The following EPHA7 variants were observed in gnomAD, a reference collection of about 807,000 sequenced individuals.
EPHA7 encodes EPH receptor A7.
In EPHA7, 25 loss-of-function variants were observed where a neutral mutation model predicts 112.6. The ratio of observed to expected loss-of-function variants is 0.22; its 90% CI spans 0.16 to 0.31. The LOEUF (loss-of-function observed/expected upper bound fraction) is 0.31, where lower values mean the gene tolerates loss of function less well. Among genes scored for constraint, EPHA7 ranks in the 10% least tolerant of loss-of-function variants. The probability of loss-of-function intolerance (pLI) is 1.00; values close to 1 mark genes in which losing one functional copy is unlikely to be tolerated. For missense variants in EPHA7, 962 were observed against 1,212.6 expected, an observed-to-expected ratio of 0.79 and a Z score of 3.07; for synonymous variants, 437 against 406.5, an observed-to-expected ratio of 1.07 and a Z score of -0.90.
intron 5 of EPHA7, among the ~76,000 whole-genome samples, chr6:93,313,327 C>G (rs191631556): frequency 6.6e-6 from 1 of 151,838 alleles, no homozygotes; most frequent in South Asian, 2.1e-4. Flanking sequence ...GAAAATGATG[C>G]TATGTGGTAT....
intron 1 of EPHA7, among the ~76,000 whole-genome samples, chr6:93,418,762 C>G (rs533180295): frequency 6.6e-6 from 1 of 152,184 alleles, no homozygotes; most frequent in African/African-American, 2.4e-5. Flanking sequence ...CTCGGTCCCT[C>G]TGGGAAGGCT....
At chr6:93,258,043 T>C (rs1476080963) in intron 11 of EPHA7, 56 bp downstream of exon 11, 6 of 1,465,646 alleles carry the variant, frequency 4.1e-6, no homozygotes, top group Non-Finnish European at 5.7e-6. Context: ...TACATAATAA[T>C]ACTAATTTCT....
Position 93,262,755 on chromosome 6 carries a change from C to T in EPHA7, c.1798+1105G>A, listed in dbSNP as rs143779640. Among the ~76,000 whole-genome samples, 954 of 151,270 alleles carry T rather than the reference C, an allele frequency of 6.3e-3. 11 individuals carry two copies. The highest frequency in any genetic ancestry group is 0.021 in the African/African-American group (880 of 41,398). On this transcript the variant is annotated intron_variant, in intron 9 of 16. Coordinates refer to ENST00000369303, the MANE Select transcript of EPHA7 (RefSeq NM_004440.4). ...AACTGTTGGTTCAAAAATACAAACACATTGAGAAAATTTAGGAATGATAAG... is the reference window on the plus strand; with the variant it reads ...AACTGTTGGTTCAAAAATACAAACATATTGAGAAAATTTAGGAATGATAAG...
chr6:93,327,785 C>T (rs1774393882), intron 5 of EPHA7, among the ~76,000 whole-genome samples: 1 of 151,456 alleles, frequency 6.6e-6, no homozygotes, highest in Non-Finnish European at 1.5e-5. Flanking sequence ...ATTGCAATAG[C>T]CTCCTAAACT....
At chr6:93,340,934 T>C (rs1327423879) in intron 5 of EPHA7, among the ~76,000 whole-genome samples, 2 of 151,882 alleles carry the variant, frequency 1.3e-5, no homozygotes, top group Non-Finnish European at 2.9e-5. Context: ...AAGATACAGG[T>C]AGTAGTCTGT....
chr6:93,411,311 T>G, intron 2 of EPHA7, 141 bp from the exon 3 acceptor site: 1 of 669,676 alleles, frequency 1.5e-6, no homozygotes, highest in South Asian at 2.0e-5. Flanking sequence ...CCAGAGAATG[T>G]AAGATTCCAG....
At chr6:93,358,183 T>A in intron 4 of EPHA7, 73 bp downstream of exon 4, 2 of 1,142,940 alleles carry the variant, frequency 1.7e-6, no homozygotes, top group Non-Finnish European at 2.3e-6. Context: ...TCAATATCTA[T>A]TTCATTGATG....
chr6:93,249,665 A>C (rs1455878048), intron 14 of EPHA7, among the ~76,000 whole-genome samples: 2 of 152,100 alleles, frequency 1.3e-5, no homozygotes, highest in Non-Finnish European at 2.9e-5. Context: ...ACCACCTCCT[A>C]ACCTATTTCC....
chr6:93,405,783 ATGTGTGTGTGTGTGTG>A (rs371052750), intron 3 of EPHA7, among the ~76,000 whole-genome samples: 1 of 95,290 alleles, frequency 1.0e-5, no homozygotes, highest in Non-Finnish European at 2.0e-5. Context: ...TTCTGTATAT[ATGTGTGTGTGTGTGTG>A]TGTGTGTGTG....
At chr6:93,390,597 A>G (rs1223635598) in intron 3 of EPHA7, among the ~76,000 whole-genome samples, 2 of 151,536 alleles carry the variant, frequency 1.3e-5, no homozygotes, top group East Asian at 3.9e-4. Flanking sequence ...TTATACACAT[A>G]CAGGGCTGGG....
intron 5 of EPHA7, among the ~76,000 whole-genome samples, chr6:93,340,599 G>A (rs1284176091): frequency 1.3e-5 from 2 of 151,770 alleles, no homozygotes; most frequent in East Asian, 3.9e-4. Context: ...AAACACTTCT[G>A]GTCCCAAGCA....
At chr6:93,339,399 C>T (rs1007081807) in intron 5 of EPHA7, among the ~76,000 whole-genome samples, 1 of 151,934 alleles carries the variant, frequency 6.6e-6, no homozygotes, top group South Asian at 2.1e-4. Context: ...TCCAAAACTG[C>T]ACTTTGCCAC....
intron 16 of EPHA7, among the ~76,000 whole-genome samples, chr6:93,243,980 T>C (rs145926121): frequency 1.3e-5 from 2 of 152,280 alleles, no homozygotes; most frequent in Non-Finnish European, 2.9e-5. Context: ...TCAATGACCA[T>C]GTAAGTTTTT....
intron 5 of EPHA7, among the ~76,000 whole-genome samples, chr6:93,290,494 C>T (rs1360927160): frequency 6.6e-6 from 1 of 152,090 alleles, no homozygotes; most frequent in Non-Finnish European, 1.5e-5. Flanking sequence ...CAACTCTTAG[C>T]AATTTGCCAG....
intron 14 of EPHA7, among the ~76,000 whole-genome samples, chr6:93,251,353 G>A (rs424565): frequency 0.65 from 98,123 of 151,512 alleles, 32,806 homozygotes; most frequent in South Asian, 0.83. Context: ...GGCTTTAAGG[G>A]ATTATCTTTA....
rs987542365 is a variant in EPHA7 at position 93,414,690 on chromosome 6, G to A, written c.162+13C>T. 3.1e-6 allele frequency: 5 copies of A among 1,605,132 alleles called. No homozygotes were observed. In the African/African-American group the frequency reaches 6.7e-5, roughly 22 times the overall value. ...TTTTAAAAAAGTGATATTTTATGAT[G>A]AAAAAAACTTACCCCATTGGGTGGA... On this transcript the variant is annotated intron_variant, in intron 2 of 16. Coordinates refer to ENST00000369303, the MANE Select transcript of EPHA7 (RefSeq NM_004440.4).
intron 3 of EPHA7, among the ~76,000 whole-genome samples, chr6:93,409,249 T>G (rs1013398836): frequency 6.6e-6 from 1 of 152,112 alleles, no homozygotes; most frequent in Admixed American, 6.6e-5. Flanking sequence ...TTTCCTAGGA[T>G]TCTCCTTGCT....
intron 5 of EPHA7, among the ~76,000 whole-genome samples, chr6:93,287,839 A>G (rs528237748): frequency 9.3e-4 from 142 of 152,276 alleles, no homozygotes; most frequent in African/African-American, 3.3e-3. Flanking sequence ...GATGTTCATC[A>G]TTATTAGTTA....
At chr6:93,276,366 A>G (rs1771470093) in intron 5 of EPHA7, among the ~76,000 whole-genome samples, 1 of 152,064 alleles carries the variant, frequency 6.6e-6, no homozygotes, top group South Asian at 2.1e-4. Context: ...CTGATTGACC[A>G]GTACAGAAAT....
Sources: gnomAD v4.1 joint callset for allele counts (sites outside exome capture counted in the v4.1 genomes callset) on GRCh38, gnomAD v4.1.1 for gene constraint, MANE v1.5 for transcripts, NCBI Gene and HGNC (gene_info 2026-07-23, HGNC 2026-07-21) for gene names.